Variants in ANKRD30A observed in about 807,000 individuals in gnomAD.
The protein encoded by ANKRD30A is ankyrin repeat domain 30A, also known as ankyrin repeat domain-containing protein 30A.
Under a neutral mutation model 166.3 loss-of-function variants are expected in ANKRD30A, and 170 were observed. The observed-to-expected ratio is 1.02, with a 90% CI of 0.90 to 1.16. ANKRD30A has a LOEUF of 1.16. Among genes scored for constraint, ANKRD30A ranks in the 50% most tolerant of loss-of-function variants. The probability of loss-of-function intolerance (pLI) is 0.00; values close to 1 mark genes in which losing one functional copy is unlikely to be tolerated. For synonymous variants in ANKRD30A, 564 were observed against 508.9 expected (o/e 1.11, Z -1.46); for missense variants, 1,630 against 1,518.0 (o/e 1.07, Z -1.23).
intron 31 of ANKRD30A, among the ~76,000 whole-genome samples, chr10:37,214,969 A>G (rs186627999): frequency 2.6e-4 from 40 of 151,510 alleles, no homozygotes; most frequent in African/African-American, 9.2e-4. Context: ...AAATTTGTGA[A>G]TCTTTTCTTT....
intron 8 of ANKRD30A, 54 bp downstream of exon 8, chr10:37,145,110 A>C: frequency 7.3e-7 from 1 of 1,368,462 alleles, no homozygotes; most frequent in Non-Finnish European, 1.0e-6. Flanking sequence ...GAGTGATGTG[A>C]AAATATAAAG....
chr10:37,146,536 T>C (rs565362747), intron 8 of ANKRD30A, among the ~76,000 whole-genome samples: 25 of 152,328 alleles, frequency 1.6e-4, no homozygotes, highest in East Asian at 1.9e-4. Flanking sequence ...ATAAAGTACA[T>C]TGACACACAG....
chr10:37,254,088 G>A, the ANKRD30A span, among the ~76,000 whole-genome samples: 1 of 152,254 alleles, frequency 6.6e-6, no homozygotes, highest in East Asian at 1.9e-4. Flanking sequence ...CAACATTTGG[G>A]TTCTGAACAG....
chr10:37,151,470 T>C (rs1837930159), intron 11 of ANKRD30A, among the ~76,000 whole-genome samples: 2 of 152,096 alleles, frequency 1.3e-5, no homozygotes, highest in East Asian at 3.8e-4. Context: ...GTTGTTAATT[T>C]ATATTCAATA....
At position 37,150,408 on chromosome 10, in the gene ANKRD30A, G is replaced by T. The variant is rs1472160586; in HGVS notation, c.1645+559G>T. Among the ~76,000 whole-genome samples, 11 of 152,038 alleles carry T rather than the reference G, an allele frequency of 7.2e-5. No individual in the cohort carries two copies. The East Asian group carries it at 1.7e-3, about 24-fold the overall frequency. On this transcript the variant is annotated intron_variant, in intron 11 of 35. Coordinates refer to ENST00000361713, the MANE Select transcript of ANKRD30A (RefSeq NM_052997.3). ...CTTGTAAAGATGAGGAAAGTAATTA[G>T]TCATTTCTTTGTGAATATTTGATAA...
intron 6 of ANKRD30A, among the ~76,000 whole-genome samples, chr10:37,137,622 C>T (rs2132522696): frequency 6.6e-6 from 1 of 152,280 alleles, no homozygotes; most frequent in Middle Eastern, 3.4e-3. Context: ...GAACCTTGCT[C>T]ATTGCTAGCA....
At position 37,142,325 on chromosome 10, in the gene ANKRD30A, G is replaced by A. The variant is rs9633640; in HGVS notation, c.1393+35G>A. On this transcript the variant is annotated intron_variant, in intron 7 of 35. Coordinates refer to ENST00000361713, the MANE Select transcript of ANKRD30A (RefSeq NM_052997.3). ...TAGAGCGAACTTTGTAAGGTTTATT[G>A]GCACTTCAGGTTCCCTAGTGAAAAA... is the stretch of plus-strand genomic sequence containing the variant. 0.011 allele frequency: 17,174 copies of A among 1,535,126 alleles called. 1,079 individuals are homozygous for A. The East Asian group carries it at 0.15, about 14-fold the overall frequency.
intron 31 of ANKRD30A, among the ~76,000 whole-genome samples, chr10:37,212,356 A>T (rs1000218031): frequency 6.6e-6 from 1 of 152,070 alleles, no homozygotes; most frequent in African/African-American, 2.4e-5. Context: ...ACCACTGCCC[A>T]ATGAAATAAA....
At chr10:37,214,538 A>G (rs1842503591) in intron 31 of ANKRD30A, among the ~76,000 whole-genome samples, 1 of 138,180 alleles carries the variant, frequency 7.2e-6, no homozygotes, top group Admixed American at 7.2e-5. Context: ...TTAGTTTTAT[A>G]GGTATATATA....
At chr10:37,255,267 G>A in the ANKRD30A span, among the ~76,000 whole-genome samples, 1 of 152,244 alleles carries the variant, frequency 6.6e-6, no homozygotes, top group East Asian at 1.9e-4. Context: ...TGGAGACCCA[G>A]AAGGGCAAGA....
At chr10:37,249,244 G>C in the ANKRD30A span, among the ~76,000 whole-genome samples, 1 of 152,136 alleles carries the variant, frequency 6.6e-6, no homozygotes, top group Non-Finnish European at 1.5e-5. Flanking sequence ...GATTCTTATT[G>C]TTTCTGTTGT....
rs1268962087 is a variant in ANKRD30A, at chr10:37,125,954, A to G, written c.167A>G (p.Lys56Arg). ...CGGGGACAAGTCCGGAAGCTGGAGA[A>G]GATGACAAAGAGGAAGAAGACCATC... ...ASRGQVRKLE[K>R]MTKRKKTINL... Residue 56 changes from lysine to arginine, a missense_variant, in exon 1 of 36, where the codon AAG becomes AGG. Lys to Arg is a conservative substitution (Grantham distance 26, BLOSUM62 2). Coordinates refer to ENST00000361713, the MANE Select transcript of ANKRD30A (RefSeq NM_052997.3). 2.2e-5 allele frequency: 36 copies of G among 1,611,900 alleles called. No homozygotes were observed. Among genetic ancestry groups the G allele is most frequent in the Non-Finnish European group, 3.1e-5 (36 of 1,179,906 alleles).
the ANKRD30A span, among the ~76,000 whole-genome samples, chr10:37,242,659 A>C: frequency 1.3e-5 from 2 of 152,196 alleles, no homozygotes; most frequent in South Asian, 2.1e-4. Context: ...CAATAGTGGC[A>C]CTTCACATGT....
intron 31 of ANKRD30A, 91 bp from the exon 32 acceptor site, chr10:37,216,090 T>A: frequency 1.2e-6 from 1 of 858,752 alleles, no homozygotes; most frequent in South Asian, 1.9e-5. Flanking sequence ...CAATATATAT[T>A]TGTTCAGTGT....
rs761878763 is a variant in ANKRD30A at position 37,193,057 on chromosome 10, C to T, written c.2513-7C>T. On this transcript the variant is annotated splice_region_variant and splice_polypyrimidine_tract_variant and intron_variant, in intron 25 of 35. Coordinates refer to ENST00000361713, the MANE Select transcript of ANKRD30A (RefSeq NM_052997.3). ...ACAATAAATTATATATGTCCCTTTT[C>T]TTTTAGAGTCTCCTGATAATGATGG... 8 of 1,609,216 alleles carry T rather than the reference C, an allele frequency of 5.0e-6. No homozygotes were observed. The highest frequency in any genetic ancestry group is 6.8e-6 in the Non-Finnish European group (8 of 1,177,058).
intron 15 of ANKRD30A, among the ~76,000 whole-genome samples, chr10:37,160,450 GC>G (rs1214564651): frequency 6.6e-6 from 1 of 151,996 alleles, no homozygotes; most frequent in East Asian, 1.9e-4. Flanking sequence ...GAACTATTAG[GC>G]CCCCGGTGTA....
intron 31 of ANKRD30A, among the ~76,000 whole-genome samples, chr10:37,207,934 A>G (rs1042564247): frequency 1.3e-5 from 2 of 152,148 alleles, no homozygotes; most frequent in African/African-American, 4.8e-5. Context: ...TCAATTAAAG[A>G]AAGTAATAGT....
chr10:37,206,155 C>G (rs540614885), intron 31 of ANKRD30A, among the ~76,000 whole-genome samples: 1 of 152,054 alleles, frequency 6.6e-6, no homozygotes, highest in South Asian at 2.1e-4. Context: ...AGATCCAGAT[C>G]CGGAGATTAT....
At chr10:37,162,090 G>T (rs1447268428) in intron 15 of ANKRD30A, among the ~76,000 whole-genome samples, 2 of 152,078 alleles carry the variant, frequency 1.3e-5, no homozygotes, top group African/African-American at 2.4e-5. Context: ...CATTCAGACA[G>T]CTAAAGTAGA....
Sources: allele counts gnomAD v4.1 joint callset (sites outside exome capture counted in the v4.1 genomes callset), GRCh38; gene constraint gnomAD v4.1.1; transcripts MANE v1.5; gene names NCBI Gene and HGNC (gene_info 2026-07-23, HGNC 2026-07-21).